The following FBXO38 variants were observed in gnomAD, a reference collection of about 807,000 sequenced individuals.
FBXO38 encodes the protein F-box only protein 38.
In FBXO38, 53 loss-of-function variants were observed where a neutral mutation model predicts 131.9. The observed-to-expected ratio is 0.40, with a 90% CI of 0.32 to 0.51. The LOEUF (loss-of-function observed/expected upper bound fraction) is 0.51. FBXO38 is among the 20% of genes least tolerant of loss of function. FBXO38 has a pLI of 0.53. For missense variants in FBXO38, 1,076 were observed against 1,475.6 expected (o/e 0.73, Z 4.44); for synonymous variants, 452 against 505.6 (o/e 0.89, Z 1.42).
intron 13 of FBXO38, 43 bp from the exon 14 acceptor site, chr5:148,425,479 T>C (rs1204410115): frequency 2.6e-6 from 4 of 1,515,544 alleles, no homozygotes; most frequent in Non-Finnish European, 3.6e-6. Context: ...TTAGATCCTT[T>C]CTTGCGCAAA....
At position 148,417,220 on chromosome 5, in the gene FBXO38, T is replaced by A. The variant is rs1753111707; in HGVS notation, c.1618+16T>A. On this transcript the variant is annotated intron_variant, in intron 12 of 21. Coordinates refer to ENST00000340253, the MANE Select transcript of FBXO38 (RefSeq NM_205836.3). ...GCAGCTGACGGTAACCCAGATCTTT[T>A]ATGAGCTCCAGATAGAAATGATTTT... 2 of 1,525,544 alleles carry A rather than the reference T, an allele frequency of 1.3e-6. No homozygotes were observed. Among genetic ancestry groups the A allele is most frequent in the African/African-American group, 2.7e-5 (2 of 73,088 alleles). The allele number at this position is 1,525,544 out of a possible 1,614,324, so 94.5% of individuals were successfully genotyped here.
At chr5:148,394,646 C>T in intron 1 of FBXO38, 68 bp from the exon 2 acceptor site, 2 of 638,926 alleles carry the variant, frequency 3.1e-6, no homozygotes, top group Non-Finnish European at 2.4e-6. Context: ...TGAAAATAAA[C>T]ATTGTTTAAC....
intron 10 of FBXO38, among the ~76,000 whole-genome samples, chr5:148,414,782 T>C (rs1376327164): frequency 6.6e-6 from 1 of 152,178 alleles, no homozygotes; most frequent in East Asian, 1.9e-4. Flanking sequence ...TCCAATCTCC[T>C]ATATGTAGAA....
In FBXO38 at chr5:148,394,772, C is replaced by T; in HGVS notation, c.-5C>T. On this transcript the variant is annotated 5_prime_UTR_variant, in exon 2 of 22. Coordinates refer to ENST00000340253, the MANE Select transcript of FBXO38 (RefSeq NM_205836.3). ...TTTCTCGTTGATACTGGAGACTGCACAACAATGGGGCCACGAAAGAAAAGT... is the reference window on the plus strand; with the variant it reads ...TTTCTCGTTGATACTGGAGACTGCATAACAATGGGGCCACGAAAGAAAAGT... The T allele has an allele frequency of 6.4e-7, 1 of 1,554,270 alleles. No individual in the cohort carries two copies. The highest frequency in any genetic ancestry group is 1.2e-5 in the South Asian group (1 of 81,868).
Position 148,409,213 on chromosome 5 carries a change from C to T in FBXO38, c.958C>T (p.Arg320Cys), listed in dbSNP as rs779869264. Residue 320 changes from arginine (R) to cysteine (C), a missense_variant, in exon 8 of 22, where the codon CGT becomes TGT. By Grantham distance (180) the Arg-to-Cys change is radical (BLOSUM62 -3). This residue lies in a region of FBXO38 where 146 missense variants were observed against 274.3 expected (regional missense o/e 0.53). Transcript: ENST00000340253. Reference sequence around the variant, plus strand: ...TGGTTACCTCATCATTACTGCTGCCCGTAGGTATGTTTCCTCTTTGTATTG... The same window carrying T: ...TGGTTACCTCATCATTACTGCTGCCTGTAGGTATGTTTCCTCTTTGTATTG... ...DLGYLIITAARRLHEVRIQPS... is the reference protein window; with the variant it reads ...DLGYLIITAACRLHEVRIQPS... 37 of 1,583,416 alleles carry T rather than the reference C, an allele frequency of 2.3e-5. No individual in the cohort carries two copies. In the Admixed American group the frequency reaches 4.0e-4, roughly 17 times the overall value.
At chr5:148,393,340 A>G (rs1040767537) in intron 1 of FBXO38, among the ~76,000 whole-genome samples, 2 of 151,998 alleles carry the variant, frequency 1.3e-5, no homozygotes, top group African/African-American at 4.8e-5. Flanking sequence ...AGAAATGATG[A>G]AGATTTACTT....
chr5:148,411,789 T>G (rs768730383), intron 9 of FBXO38, among the ~76,000 whole-genome samples: 4 of 152,194 alleles, frequency 2.6e-5, no homozygotes, highest in African/African-American at 4.8e-5. Context: ...TTTAAAATGC[T>G]AATGAGTACA....
chr5:148,427,868 G>A lies in FBXO38; in HGVS notation c.2574G>A (p.Gln858=). Residue 858 remains glutamine (Q), a synonymous_variant, in exon 15 of 22, where the codon CAG becomes CAA. Transcript: ENST00000340253. ...GSSQPESCDV[Q]SNEDYPRRPL... is the part of the protein sequence containing the mutation. ...CCCAGCCTGAGAGTTGTGACGTGCA[G>A]TCTAATGAAGACTACCCTCGGAGGC... 13 of 1,575,624 alleles carry A rather than the reference G, an allele frequency of 8.3e-6. No individual in the cohort carries two copies. The highest frequency in any genetic ancestry group is 1.1e-5 in the Non-Finnish European group (13 of 1,163,190).
At chr5:148,436,193 G>T (rs779871091) in intron 17 of FBXO38, among the ~76,000 whole-genome samples, 2 of 152,162 alleles carry the variant, frequency 1.3e-5, no homozygotes, top group Non-Finnish European at 2.9e-5. Context: ...TGTAAACAGT[G>T]TAATGTCTGC....
chr5:148,415,571 A>G (rs1239222052), intron 10 of FBXO38, among the ~76,000 whole-genome samples: 2 of 152,180 alleles, frequency 1.3e-5, no homozygotes, highest in African/African-American at 4.8e-5. Context: ...CAGCAAGCAT[A>G]TTAAGCTCTC....
At chr5:148,420,068 A>AT in intron 12 of FBXO38, among the ~76,000 whole-genome samples, 2 of 151,460 alleles carry the variant, frequency 1.3e-5, no homozygotes, top group South Asian at 4.2e-4. Flanking sequence ...ATATAACTTG[A>AT]TTACCTGAAT....
At chr5:148,385,315 T>C (rs867825641) in intron 1 of FBXO38, among the ~76,000 whole-genome samples, 5 of 152,204 alleles carry the variant, frequency 3.3e-5, no homozygotes, top group Admixed American at 6.5e-5. Context: ...GTACACACTT[T>C]ATATTTAGTC....
rs906465797 is a variant in FBXO38 at position 148,442,696 on chromosome 5, A to G, written c.*549A>G. 2.0e-5 allele frequency: 3 copies of G among 152,208 alleles called. No individual in the cohort carries two copies. The highest frequency in any genetic ancestry group is 4.8e-5 in the African/African-American group (2 of 41,444). 9.4% of individuals were successfully genotyped at this position (152,208 alleles called of 1,614,324 possible). ...GTTGCCATGTTTCTTAAAATCAAGT[A>G]AAAAGACTTATGAGCTTAAAAAAAA... On this transcript the variant is annotated 3_prime_UTR_variant, in exon 22 of 22. Coordinates refer to ENST00000340253, the MANE Select transcript of FBXO38 (RefSeq NM_205836.3).
chr5:148,385,988 T>C (rs1418043667), intron 1 of FBXO38, among the ~76,000 whole-genome samples: 1 of 152,116 alleles, frequency 6.6e-6, no homozygotes, highest in Non-Finnish European at 1.5e-5. Context: ...AGAACACTTT[T>C]TGGAAACAAC....
chr5:148,400,123 T>C (rs1752059258), intron 3 of FBXO38, among the ~76,000 whole-genome samples: 1 of 151,986 alleles, frequency 6.6e-6, no homozygotes, highest in African/African-American at 2.4e-5. Flanking sequence ...TACTTTCTTA[T>C]AAAGAACATT....
At chr5:148,419,787 C>A (rs1169548898) in intron 12 of FBXO38, among the ~76,000 whole-genome samples, 1 of 152,040 alleles carries the variant, frequency 6.6e-6, no homozygotes, top group Non-Finnish European at 1.5e-5. Flanking sequence ...TGGTTTTGGA[C>A]CAGCCCCAGA....
At chr5:148,414,944 C>G (rs1366827779) in intron 10 of FBXO38, among the ~76,000 whole-genome samples, 1 of 152,136 alleles carries the variant, frequency 6.6e-6, no homozygotes, top group Non-Finnish European at 1.5e-5. Context: ...GTACTTGTGA[C>G]AAAGCCTCTC....
rs765104750 is a variant in FBXO38 at position 148,417,170 on chromosome 5, T to A, written c.1584T>A (p.Asp528Glu). Residue 528 changes from aspartate (D) to glutamate (E), a missense_variant, in exon 12 of 22, where the codon GAT (aspartate) becomes GAA (glutamate). Asp to Glu is a conservative substitution (Grantham distance 45). Transcript: ENST00000340253. ...DSDEENDFRQ[D>E]LQPGEQQFAA... ...ACGAGGAGAATGACTTTCGGCAAGA[T>A]CTGCAGCCAGGAGAGCAGCAGTTTG... 1 of 1,613,820 alleles carries A rather than the reference T, an allele frequency of 6.2e-7. No homozygotes were observed. The highest frequency in any genetic ancestry group is 8.5e-7 in the Non-Finnish European group (1 of 1,179,762).
chr5:148,384,551 G>A (rs1235772449), intron 1 of FBXO38, among the ~76,000 whole-genome samples: 2 of 152,150 alleles, frequency 1.3e-5, no homozygotes, highest in Admixed American at 6.5e-5. Flanking sequence ...CCTACACACC[G>A]TGTGACCTTG....
Sources: allele counts gnomAD v4.1 joint callset (sites outside exome capture counted in the v4.1 genomes callset), GRCh38; gene constraint gnomAD v4.1.1; regional missense constraint gnomAD v4.1.1; transcripts MANE v1.5; gene names NCBI Gene and HGNC (gene_info 2026-07-23, HGNC 2026-07-21).